The following DYM variants were observed in gnomAD, a reference collection of about 807,000 sequenced individuals.
The protein encoded by DYM is dymeclin, also known as dyggve-Melchior-Clausen syndrome protein.
A neutral mutation model predicts 93.1 loss-of-function variants in DYM; 78 were observed. The observed-to-expected ratio is 0.84, with a 90% confidence interval of 0.70 to 1.01. The LOEUF is 1.01. Ranked by LOEUF, DYM falls within the 50% of genes least tolerant of loss-of-function variation. The pLI, the probability that DYM is intolerant of heterozygous loss-of-function variation, is 0.00. For synonymous variants in DYM, 321 were observed against 319.7 expected (o/e 1.00, Z -0.04); for missense variants, 789 against 845.0 (o/e 0.93, Z 0.82).
intron 11 of DYM, among the ~76,000 whole-genome samples, chr18:49,261,933 C>A (rs1447775730): frequency 1.3e-5 from 2 of 151,690 alleles, no homozygotes; most frequent in Middle Eastern, 3.4e-3. Context: ...ATGTAAAAAA[C>A]CAAAAACCAG....
chr18:49,357,999 A>T (rs1182539539), intron 6 of DYM, among the ~76,000 whole-genome samples: 1 of 152,040 alleles, frequency 6.6e-6, no homozygotes, highest in Non-Finnish European at 1.5e-5. Flanking sequence ...TAATTTTAAA[A>T]ATTAGCCAGG....
In DYM at chr18:49,094,244, C is replaced by G. The variant is rs759401943; in HGVS notation, c.2025+3158G>C. Among the ~76,000 whole-genome samples the G allele has an allele frequency of 2.6e-5, 4 of 152,172 alleles. No homozygotes were observed. The East Asian group carries it at 7.7e-4, about 29-fold the overall frequency. ...CTGAGGTGGTAGTGGTATGAGAACA[C>G]GCACGGATCTGGAAGAATTCTGACC... On this transcript the variant is annotated intron_variant, in intron 17 of 17. Coordinates refer to ENST00000675505, the MANE Select transcript of DYM (RefSeq NM_001353214.3).
chr18:49,192,928 C>G (rs927653746), intron 14 of DYM, among the ~76,000 whole-genome samples: 2 of 152,048 alleles, frequency 1.3e-5, no homozygotes, highest in Non-Finnish European at 2.9e-5. Context: ...AGATTACAGT[C>G]AAAGGGTACA....
At chr18:49,155,407 A>G (rs2086290070) in intron 15 of DYM, among the ~76,000 whole-genome samples, 3 of 152,314 alleles carry the variant, frequency 2.0e-5, no homozygotes, top group Admixed American at 1.3e-4. Context: ...CATATACCAT[A>G]TACTTCACCA....
intron 14 of DYM, among the ~76,000 whole-genome samples, chr18:49,168,079 C>T (rs973704086): frequency 2.6e-5 from 4 of 151,744 alleles, no homozygotes; most frequent in Non-Finnish European, 5.9e-5. Flanking sequence ...AAATGAAAAA[C>T]AATATTACAC....
At chr18:49,104,977 A>C (rs2080630043) in intron 16 of DYM, among the ~76,000 whole-genome samples, 2 of 152,204 alleles carry the variant, frequency 1.3e-5, no homozygotes, top group South Asian at 4.1e-4. Context: ...TAGTTTCAGA[A>C]GGAATAGTAC....
intron 1 of DYM, among the ~76,000 whole-genome samples, chr18:49,449,917 T>C (rs933218376): frequency 1.3e-5 from 2 of 152,190 alleles, no homozygotes; most frequent in Non-Finnish European, 2.9e-5. Context: ...ACCAGGTTTT[T>C]TACCTAAAGT....
intron 2 of DYM, among the ~76,000 whole-genome samples, chr18:49,416,825 C>T (rs550185594): frequency 3.0e-4 from 45 of 152,322 alleles, no homozygotes; most frequent in African/African-American, 1.0e-3. Flanking sequence ...AGGGACCCTA[C>T]TTCTAATCCT....
intron 16 of DYM, 92 bp downstream of exon 16, chr18:49,118,652 C>CT (rs1339291498): frequency 8.4e-7 from 1 of 1,196,844 alleles, no homozygotes; most frequent in African/African-American, 1.5e-5. Context: ...AGAAGAAACT[C>CT]TTACTATTAT....
intron 10 of DYM, among the ~76,000 whole-genome samples, chr18:49,279,441 C>T (rs114958530): frequency 0.011 from 1,637 of 152,208 alleles, 29 homozygotes; most frequent in African/African-American, 0.038. Flanking sequence ...ATCAGAGCCT[C>T]AACATATTTA....
rs74750383 is a variant in DYM at position 49,036,698 on chromosome 18, C to T, written c.*7357G>A. Among the ~76,000 whole-genome samples, 539 of 150,806 alleles carry T rather than the reference C, an allele frequency of 3.6e-3. 3 individuals are homozygous for T. Among genetic ancestry groups the T allele is most frequent in the African/African-American group, 0.013 (516 of 41,094 alleles). On this transcript the variant is annotated 3_prime_UTR_variant, in exon 18 of 18. Coordinates refer to ENST00000675505, the MANE Select transcript of DYM (RefSeq NM_001353214.3). Reference sequence around the variant, plus strand: ...TCTCCAGTAGCTGGGACTACAGGCACACACCACCATGCTCAGCTAATTTGT... The same window carrying T: ...TCTCCAGTAGCTGGGACTACAGGCATACACCACCATGCTCAGCTAATTTGT...
rs148574340 is a variant in DYM at position 49,402,779 on chromosome 18, G to A, written c.141-11134C>T. ...TCAGTTTAACCACTGCCATCAATTA[G>A]CAAAACTCCTGCACACTGCTCACAT... On this transcript the variant is annotated intron_variant, in intron 2 of 17. Transcript: ENST00000675505. Among the ~76,000 whole-genome samples the A allele has an allele frequency of 3.9e-3, 587 of 152,252 alleles. 1 individual carries two copies. The highest frequency in any genetic ancestry group is 0.013 in the African/African-American group (549 of 41,552).
chr18:49,211,820 C>T (rs932058562), intron 13 of DYM, among the ~76,000 whole-genome samples: 14 of 152,128 alleles, frequency 9.2e-5, no homozygotes, highest in African/African-American at 3.4e-4. Flanking sequence ...ATCTCCAAAA[C>T]AGAGTAGTTA....
At chr18:49,135,151 G>A (rs1489492734) in intron 15 of DYM, among the ~76,000 whole-genome samples, 3 of 151,918 alleles carry the variant, frequency 2.0e-5, no homozygotes, top group East Asian at 1.9e-4. Context: ...CTCCAGATAC[G>A]TAAATAAACA....
chr18:49,109,361 C>G (rs2081182575), intron 16 of DYM, among the ~76,000 whole-genome samples: 1 of 152,132 alleles, frequency 6.6e-6, no homozygotes, highest in Non-Finnish European at 1.5e-5. Context: ...TTATCTTCAT[C>G]TTTTACTTAC....
intron 15 of DYM, chr18:49,126,535 T>C (rs1354996008): frequency 6.6e-6 from 1 of 152,222 alleles, no homozygotes; most frequent in East Asian, 1.9e-4. Flanking sequence ...AGAAAAATCA[T>C]GAATTTGGAG....
intron 17 of DYM, among the ~76,000 whole-genome samples, chr18:49,061,770 A>G (rs2076002062): frequency 6.6e-6 from 1 of 152,242 alleles, no homozygotes; most frequent in Non-Finnish European, 1.5e-5. Flanking sequence ...CTCCCCAGAA[A>G]GGGAAGGAAA....
chr18:49,425,414 C>G (rs1017450164), intron 2 of DYM, among the ~76,000 whole-genome samples: 4 of 152,102 alleles, frequency 2.6e-5, no homozygotes, highest in Non-Finnish European at 5.9e-5. Flanking sequence ...TAAAGACTGA[C>G]ATGTTAGACC....
At chr18:49,458,625 T>C (rs1001862161) in intron 1 of DYM, among the ~76,000 whole-genome samples, 8 of 152,194 alleles carry the variant, frequency 5.3e-5, no homozygotes, top group East Asian at 3.9e-4. Flanking sequence ...ATGCCTGAAC[T>C]CAGGAGTTCG....
Sources: allele counts gnomAD v4.1 joint callset (sites outside exome capture counted in the v4.1 genomes callset), GRCh38; gene constraint gnomAD v4.1.1; transcripts MANE v1.5; gene names NCBI Gene and HGNC (gene_info 2026-07-23, HGNC 2026-07-21).